SCARB2: variants seen among roughly 807,000 people sequenced by gnomAD.
The protein encoded by SCARB2 is lysosome membrane protein 2.
In SCARB2, 29 loss-of-function variants were observed where a neutral mutation model predicts 58.6. That is an observed-to-expected ratio of 0.49 (90% CI 0.37 to 0.67). The LOEUF is 0.67. SCARB2 is among the 30% of genes least tolerant of loss of function. The probability of loss-of-function intolerance (pLI) is 0.00; values close to 1 mark genes in which losing one functional copy is unlikely to be tolerated. For missense variants in SCARB2, 488 were observed against 578.5 expected, an observed-to-expected ratio of 0.84 and a Z score of 1.60; for synonymous variants, 195 against 210.1, an observed-to-expected ratio of 0.93 and a Z score of 0.62.
intron 1 of SCARB2, among the ~76,000 whole-genome samples, chr4:76,197,443 G>A (rs1213841666): frequency 6.6e-6 from 1 of 152,208 alleles, no homozygotes; most frequent in Admixed American, 6.5e-5. Context: ...GTTCTAAAAC[G>A]GAGATGTGTA....
At chr4:76,174,952 T>C in intron 6 of SCARB2, 1 of 154,506 alleles carries the variant, frequency 6.5e-6, no homozygotes, top group Admixed American at 6.4e-5. Flanking sequence ...GCCTAACCAC[T>C]TTGATGTACA....
At chr4:76,184,984 G>A (rs17001588) in intron 2 of SCARB2, among the ~76,000 whole-genome samples, 3 of 151,888 alleles carry the variant, frequency 2.0e-5, no homozygotes, top group Admixed American at 6.6e-5. Flanking sequence ...ATAGATTCCC[G>A]TTTTACTTAA....
intron 11 of SCARB2, chr4:76,162,523 C>G (rs1050216517): frequency 6.5e-6 from 1 of 153,350 alleles, no homozygotes; most frequent in African/African-American, 2.4e-5. Flanking sequence ...AAGGCGAACC[C>G]AACTCTTTAT....
upstream of SCARB2, among the ~76,000 whole-genome samples, chr4:76,217,307 C>A (rs920608): frequency 0.97 from 147,289 of 152,284 alleles, 71,330 homozygotes; most frequent in Non-Finnish European, 0.99. Context: ...ACAATCAGGA[C>A]TCTTCCTGGT....
upstream of SCARB2, chr4:76,214,441 G>A (rs567058172): frequency 2.3e-5 from 9 of 391,254 alleles, no homozygotes; most frequent in East Asian, 2.3e-4. Flanking sequence ...AAAGGCATTG[G>A]GGGTGAAAGA....
chr4:76,181,398 C>G (rs1253615072), intron 2 of SCARB2, among the ~76,000 whole-genome samples: 3 of 152,134 alleles, frequency 2.0e-5, no homozygotes, highest in African/African-American at 7.2e-5. Flanking sequence ...TGAACTCTCT[C>G]CTGGGTTATG....
chr4:76,208,531 C>T (rs116738729), intron 1 of SCARB2, among the ~76,000 whole-genome samples: 1,800 of 152,224 alleles, frequency 0.012, 41 homozygotes, highest in African/African-American at 0.041. Flanking sequence ...CACACTGAGG[C>T]GGGGCTGAGC....
At chr4:76,185,698 G>A (rs1210301575) in intron 2 of SCARB2, among the ~76,000 whole-genome samples, 1 of 152,222 alleles carries the variant, frequency 6.6e-6, no homozygotes, top group Non-Finnish European at 1.5e-5. Flanking sequence ...TAAATTGGAT[G>A]CGTATAATAC....
intron 7 of SCARB2, chr4:76,172,621 G>A (rs1428875518): frequency 2.6e-5 from 4 of 151,790 alleles, no homozygotes; most frequent in African/African-American, 9.7e-5. Context: ...TGCCCTGTCA[G>A]ACAAGGATCA....
chr4:76,215,747 A>G (rs1466650928), upstream of SCARB2, among the ~76,000 whole-genome samples: 1 of 152,106 alleles, frequency 6.6e-6, no homozygotes, highest in East Asian at 1.9e-4. Context: ...GAACATGGGA[A>G]AGACTGTGGG....
intron 1 of SCARB2, among the ~76,000 whole-genome samples, chr4:76,226,211 A>G (rs537758099): frequency 3.9e-4 from 60 of 152,226 alleles, no homozygotes; most frequent in African/African-American, 1.4e-3. Context: ...GGGAACCCAT[A>G]CTATTTACTG....
At chr4:76,176,741 T>C in intron 4 of SCARB2, 3 of 470,594 alleles carry the variant, frequency 6.4e-6, no homozygotes, top group Non-Finnish European at 7.5e-6. Context: ...GTTCAAAGCC[T>C]TACAAGCAAA....
intron 2 of SCARB2, 26 bp downstream of exon 2, chr4:76,195,681 C>G: frequency 6.2e-7 from 1 of 1,610,138 alleles, no homozygotes. Context: ...GTATTTCTTT[C>G]AAGACAGGAG....
chr4:76,160,284 AGTT>A lies in SCARB2; in HGVS notation c.*1426_*1428del, dbSNP rs1488035402. 1.3e-5 allele frequency: 2 copies of A among 152,242 alleles called. No homozygotes were observed. Among genetic ancestry groups the A allele is most frequent in the Admixed American group, 6.5e-5 (1 of 15,294 alleles). The allele number at this position is 152,242 out of a possible 1,614,324, so 9.4% of individuals were successfully genotyped here. On this transcript the variant is annotated 3_prime_UTR_variant, in exon 12 of 12. Coordinates refer to ENST00000264896, the MANE Select transcript of SCARB2 (RefSeq NM_005506.4). ...CAAAAAAAATCCTTTTGAATGGTTCAGTTGTTAAGAAATTCTATAAGCACTTTG... is the reference window on the plus strand; with the variant it reads ...CAAAAAAAATCCTTTTGAATGGTTCAGTTAAGAAATTCTATAAGCACTTTG...
intron 2 of SCARB2, among the ~76,000 whole-genome samples, chr4:76,189,990 TA>T (rs1187598511): frequency 6.6e-6 from 1 of 150,996 alleles, no homozygotes; most frequent in East Asian, 2.0e-4. Context: ...ACAAGTGCTA[TA>T]AAGTGGTATA....
At chr4:76,209,213 GC>G (rs910812993) in intron 1 of SCARB2, among the ~76,000 whole-genome samples, 35 of 152,138 alleles carry the variant, frequency 2.3e-4, no homozygotes, top group African/African-American at 8.2e-4. Flanking sequence ...AGGTAGATAT[GC>G]AAGAAGGAGC....
upstream of SCARB2, chr4:76,214,072 C>T: frequency 5.7e-6 from 2 of 349,098 alleles, no homozygotes; most frequent in South Asian, 2.0e-5. Context: ...GCGCTCGCCC[C>T]ACCGAAATTG....
At chr4:76,202,595 T>C (rs551637279) in intron 1 of SCARB2, among the ~76,000 whole-genome samples, 28 of 152,150 alleles carry the variant, frequency 1.8e-4, no homozygotes, top group Non-Finnish European at 2.8e-4. Flanking sequence ...TGCTACTCCA[T>C]CCATTCCCTA....
chr4:76,213,386 T>A, intron 1 of SCARB2, 41 bp downstream of exon 1: 1 of 1,376,140 alleles, frequency 7.3e-7, no homozygotes, highest in Non-Finnish European at 1.0e-6. Flanking sequence ...GAGGGTGAGC[T>A]GGACGACTCC....
Sources: gnomAD v4.1 joint callset for allele counts (sites outside exome capture counted in the v4.1 genomes callset) on GRCh38, gnomAD v4.1.1 for gene constraint, MANE v1.5 for transcripts, NCBI Gene and HGNC (gene_info 2026-07-23, HGNC 2026-07-21) for gene names.